Variants in C3orf52 observed in about 807,000 individuals in gnomAD.
C3orf52 encodes TPA-induced transmembrane protein.
A neutral mutation model predicts 24.8 loss-of-function variants in C3orf52; 22 were observed. The ratio of observed to expected loss-of-function variants is 0.89; its 90% CI spans 0.63 to 1.27. The LOEUF is 1.27. Ranked by LOEUF, C3orf52 falls within the 50% of genes most tolerant of loss-of-function variation. C3orf52 has a pLI of 0.00. For missense variants in C3orf52, 265 were observed against 260.7 expected (o/e 1.02, Z -0.11); for synonymous variants, 93 against 100.2 (o/e 0.93, Z 0.43).
chr3:112,113,878 T>A (rs1163444017), intron 5 of C3orf52, among the ~76,000 whole-genome samples: 1 of 152,200 alleles, frequency 6.6e-6, no homozygotes, highest in Non-Finnish European at 1.5e-5. Context: ...GTAGTGAAGC[T>A]CTGGCCTTTG....
chr3:112,117,439 C>G lies in C3orf52; in HGVS notation c.*793C>G, dbSNP rs900621263. The G allele has an allele frequency of 3.2e-5, 5 of 156,610 alleles. No individual in the cohort carries two copies. The highest frequency in any genetic ancestry group is 1.2e-4 in the African/African-American group (5 of 41,566). 9.7% of individuals were successfully genotyped at this position (156,610 alleles called of 1,614,324 possible). On this transcript the variant is annotated 3_prime_UTR_variant, in exon 6 of 6. Coordinates refer to ENST00000264848, the MANE Select transcript of C3orf52 (RefSeq NM_024616.3). ...CGTTGTTCCTGTGATTCCTGAACAC[C>G]TTTTTGGAAATATGGGTCTCTGTGA... is the stretch of plus-strand genomic sequence containing the variant.
chr3:112,086,709 A>T lies in C3orf52; in HGVS notation c.138+164A>T, dbSNP rs554526687. Reference sequence around the variant, plus strand: ...CTCTGAATGGAGCCGAGTCACCGCGACACCTTTCGGCCCGAGCAGTCCCCT... The same window carrying T: ...CTCTGAATGGAGCCGAGTCACCGCGTCACCTTTCGGCCCGAGCAGTCCCCT... On this transcript the variant is annotated intron_variant, in intron 1 of 5. Transcript: ENST00000264848. 2.0e-5 allele frequency among the ~76,000 whole-genome samples: 3 copies of T among 151,766 alleles called. No homozygotes were observed. In the East Asian group the frequency reaches 5.8e-4, roughly 29 times the overall value.
chr3:112,092,174 T>C (rs753639632), intron 1 of C3orf52, among the ~76,000 whole-genome samples: 1 of 152,180 alleles, frequency 6.6e-6, no homozygotes, highest in Non-Finnish European at 1.5e-5. Context: ...AATAATTGTT[T>C]AGCAGATGCT....
At chr3:112,087,250 T>C (rs1302182340) in intron 1 of C3orf52, among the ~76,000 whole-genome samples, 1 of 152,142 alleles carries the variant, frequency 6.6e-6, no homozygotes, top group African/African-American at 2.4e-5. Context: ...GTCTCGAAGG[T>C]TGAGACTTCG....
chr3:112,101,583 T>C (rs173108), intron 2 of C3orf52, among the ~76,000 whole-genome samples: 145,494 of 152,262 alleles, frequency 0.96, 69,800 homozygotes, highest in Non-Finnish European at 1. Context: ...GGACCAATTT[T>C]GAGGAGGCCT....
intron 4 of C3orf52, 45 bp from the exon 5 acceptor site, chr3:112,112,919 C>A: frequency 6.9e-7 from 1 of 1,449,610 alleles, no homozygotes; most frequent in Admixed American, 1.8e-5. Context: ...TCTTGAGTTG[C>A]AGTATGATGC....
chr3:112,091,181 A>G (rs1461130723), intron 1 of C3orf52, among the ~76,000 whole-genome samples: 2 of 152,368 alleles, frequency 1.3e-5, no homozygotes, highest in Non-Finnish European at 2.9e-5. Flanking sequence ...CTCAAAGTCC[A>G]TTCTTAAAAT....
chr3:112,125,930 C>G (rs892185575), intron 4 of C3orf52, among the ~76,000 whole-genome samples: 4 of 152,214 alleles, frequency 2.6e-5, no homozygotes, highest in Non-Finnish European at 5.9e-5. Context: ...TTGCTACCCT[C>G]TTGCAAACAC....
chr3:112,127,993 TC>T (rs1207726660), intron 4 of C3orf52: 1 of 1,606,078 alleles, frequency 6.2e-7, no homozygotes, highest in Non-Finnish European at 8.5e-7. Context: ...GGGAAATAAC[TC>T]CTAAAAACAA....
At chr3:112,126,489 G>A (rs936089581) in intron 4 of C3orf52, among the ~76,000 whole-genome samples, 3 of 152,164 alleles carry the variant, frequency 2.0e-5, no homozygotes, top group African/African-American at 7.2e-5. Context: ...GTGTTCTTCT[G>A]GTATCTGCTC....
chr3:112,110,427 A>G (rs550780516), intron 4 of C3orf52, among the ~76,000 whole-genome samples: 3 of 152,334 alleles, frequency 2.0e-5, no homozygotes, highest in African/African-American at 4.8e-5. Context: ...TGCCACCACC[A>G]ATAACTAATG....
rs562180878 is a variant in C3orf52, at chr3:112,091,921, G to A, written c.139-1439G>A. On this transcript the variant is annotated intron_variant, in intron 1 of 5. Transcript: ENST00000264848. ...CGGGAGGCTGAGGCAGGAGAATGGC[G>A]TGAACCCGGGAGGCGGAGCTTGCAG... Among the ~76,000 whole-genome samples the A allele has an allele frequency of 1.2e-3, 190 of 152,134 alleles. 2 individuals are homozygous for A. The highest frequency in any genetic ancestry group is 9.2e-3 in the Admixed American group (140 of 15,296).
chr3:112,107,180 A>G (rs2074032991), intron 3 of C3orf52, among the ~76,000 whole-genome samples: 1 of 152,178 alleles, frequency 6.6e-6, no homozygotes, highest in South Asian at 2.1e-4. Flanking sequence ...GTTATGTGCA[A>G]AACACTGTGC....
chr3:112,112,671 T>C, intron 4 of C3orf52: 1 of 402,830 alleles, frequency 2.5e-6, no homozygotes, highest in Non-Finnish European at 4.7e-6. Context: ...CTTCTCAGCA[T>C]CTTGACTGGA....
intron 4 of C3orf52, 198 bp from the exon 5 acceptor site, chr3:112,112,766 A>G (rs1015375370): frequency 3.1e-6 from 2 of 642,280 alleles, no homozygotes; most frequent in East Asian, 3.0e-5. Flanking sequence ...GGAGGTTAGG[A>G]TCACCTCAAC....
intron 3 of C3orf52, among the ~76,000 whole-genome samples, chr3:112,104,830 T>A (rs2074008870): frequency 1.3e-5 from 2 of 152,196 alleles, no homozygotes; most frequent in Non-Finnish European, 2.9e-5. Flanking sequence ...TCTTCATTTA[T>A]GTCTTATCTT....
intron 1 of C3orf52, among the ~76,000 whole-genome samples, chr3:112,087,774 TG>T (rs139610774): frequency 0.06 from 9,201 of 152,226 alleles, 378 homozygotes; most frequent in African/African-American, 0.12. Context: ...TCCAGGGCGG[TG>T]TCCAGGAATG....
intron 4 of C3orf52, among the ~76,000 whole-genome samples, chr3:112,124,256 A>G (rs1354716434): frequency 6.6e-6 from 1 of 152,200 alleles, no homozygotes; most frequent in Non-Finnish European, 1.5e-5. Flanking sequence ...CAAGTGGACT[A>G]AGACACTACC....
chr3:112,090,409 C>T (rs2073866808), intron 1 of C3orf52, among the ~76,000 whole-genome samples: 1 of 151,888 alleles, frequency 6.6e-6, no homozygotes, highest in Non-Finnish European at 1.5e-5. Context: ...ATCCTCCCAC[C>T]TCAGACTCCT....
Sources: gnomAD v4.1 joint callset for allele counts (sites outside exome capture counted in the v4.1 genomes callset) on GRCh38, gnomAD v4.1.1 for gene constraint, MANE v1.5 for transcripts, NCBI Gene and HGNC (gene_info 2026-07-23, HGNC 2026-07-21) for gene names.